The following FANCI variants were observed in gnomAD, a reference collection of about 807,000 sequenced individuals.
FANCI encodes Fanconi anemia group I protein.
A neutral mutation model predicts 176.1 loss-of-function variants in FANCI; 156 were observed. That is an observed-to-expected ratio of 0.89 (90% confidence interval 0.78 to 1.01). The LOEUF (loss-of-function observed/expected upper bound fraction) is 1.01. Ranked by LOEUF, FANCI falls within the 50% of genes least tolerant of loss-of-function variation. The probability of loss-of-function intolerance (pLI) is 0.00; values close to 1 mark genes in which losing one functional copy is unlikely to be tolerated. For missense variants in FANCI, 1,678 were observed against 1,534.1 expected (o/e 1.09, Z -1.57); for synonymous variants, 613 against 541.7 (o/e 1.13, Z -1.83).
chr15:89,296,382 A>G (rs1403451745), intron 24 of FANCI, among the ~76,000 whole-genome samples: 6 of 151,818 alleles, frequency 4.0e-5, no homozygotes, highest in Admixed American at 3.3e-4. Context: ...TGCTGGGATT[A>G]CAGGCCTGAG....
intron 6 of FANCI, among the ~76,000 whole-genome samples, chr15:89,262,934 A>G: frequency 6.6e-6 from 1 of 152,146 alleles, no homozygotes; most frequent in Non-Finnish European, 1.5e-5. Context: ...ATCTTGCTTT[A>G]TTGGCCAGGC....
chr15:89,299,404 CA>C (rs2054444599), intron 24 of FANCI, among the ~76,000 whole-genome samples: 1 of 152,086 alleles, frequency 6.6e-6, no homozygotes, highest in Non-Finnish European at 1.5e-5. Flanking sequence ...TTAATGAGGT[CA>C]GCATTACCCT....
intron 26 of FANCI, among the ~76,000 whole-genome samples, chr15:89,301,001 C>T (rs1483504540): frequency 6.6e-6 from 1 of 152,160 alleles, no homozygotes; most frequent in Non-Finnish European, 1.5e-5. Flanking sequence ...GGTTTGGTGC[C>T]TTGTCTAAGC....
intron 20 of FANCI, 21 bp downstream of exon 20, chr15:89,291,735 T>G (rs2054077688): frequency 6.3e-7 from 1 of 1,584,044 alleles, no homozygotes; most frequent in African/African-American, 1.3e-5. Flanking sequence ...TATTCTTCCT[T>G]CAACCATTAT....
intron 28 of FANCI, 110 bp downstream of exon 28, chr15:89,304,025 C>T: frequency 9.5e-7 from 1 of 1,047,240 alleles, no homozygotes; most frequent in Non-Finnish European, 1.5e-6. Flanking sequence ...ACCAGAGTGG[C>T]CAAAATGAAA....
chr15:89,259,666 C>G (rs1196644802), intron 3 of FANCI, among the ~76,000 whole-genome samples: 2 of 152,148 alleles, frequency 1.3e-5, no homozygotes, highest in Admixed American at 1.3e-4. Flanking sequence ...CTAGTCCATT[C>G]CAGTCCTAAG....
intron 18 of FANCI, among the ~76,000 whole-genome samples, chr15:89,288,208 T>C (rs2053900463): frequency 1.3e-5 from 2 of 152,212 alleles, no homozygotes; most frequent in Admixed American, 1.3e-4. Context: ...GGGTGAGCTT[T>C]GTGTCAGTGT....
chr15:89,301,727 T>C (rs1390375669), intron 27 of FANCI, among the ~76,000 whole-genome samples: 2 of 152,106 alleles, frequency 1.3e-5, no homozygotes, highest in Non-Finnish European at 2.9e-5. Flanking sequence ...TGTGTTGATC[T>C]TTGGTGCCTT....
At chr15:89,283,897 G>A (rs556342531) in intron 17 of FANCI, among the ~76,000 whole-genome samples, 46 of 151,900 alleles carry the variant, frequency 3.0e-4, no homozygotes, top group Admixed American at 3.0e-3. Flanking sequence ...CGAGTAGCTG[G>A]GACTACAGGC....
chr15:89,252,942 T>A (rs1045191074), intron 2 of FANCI, among the ~76,000 whole-genome samples: 1 of 152,178 alleles, frequency 6.6e-6, no homozygotes, highest in African/African-American at 2.4e-5. Flanking sequence ...GCTATATATA[T>A]AAGTTGACTG....
Position 89,292,948 on chromosome 15 carries a change from T to G in FANCI, c.2176T>G (p.Ser726Ala). 1 of 1,614,126 alleles carries G rather than the reference T, an allele frequency of 6.2e-7. No homozygotes were observed. ...TTTATCTTGTGTCTTTTAGGATAAATCAGCAGATTTTTCTCAGAGCACCAG... is the reference window on the plus strand; with the variant it reads ...TTTATCTTGTGTCTTTTAGGATAAAGCAGCAGATTTTTCTCAGAGCACCAG... ...SELEDFELDK[S>A]ADFSQSTSIG... is the part of the protein sequence containing the mutation. The change falls in exon 22 of 38, where the codon TCA (serine) becomes GCA (alanine). Residue 726 changes from serine (S) to alanine (A), a missense_variant. By Grantham distance (99) the Ser-to-Ala change is moderately conservative. Transcript: ENST00000310775.
rs28666752 is a variant in FANCI at position 89,311,164 on chromosome 15, C to T, written c.3652-1740C>T. Among the ~76,000 whole-genome samples, 819 of 152,160 alleles carry T rather than the reference C, an allele frequency of 5.4e-3. 10 individuals are homozygous for T. The highest frequency in any genetic ancestry group is 0.018 in the African/African-American group (750 of 41,492). The stretch of plus-strand genomic sequence containing the variant: ...ATCCCAGCTACTCGGGAGGCTGAGG[C>T]AGGAGAATTGCTTGAACCCGGGAGG... On this transcript the variant is annotated intron_variant, in intron 34 of 37. Coordinates refer to ENST00000310775, the MANE Select transcript of FANCI (RefSeq NM_001113378.2).
At chr15:89,246,856 C>T (rs1285088419) in intron 1 of FANCI, among the ~76,000 whole-genome samples, 5 of 149,942 alleles carry the variant, frequency 3.3e-5, no homozygotes, top group Admixed American at 1.3e-4. Context: ...AGCTCCTCCT[C>T]CCGGGTTCAC....
chr15:89,294,949 G>T lies in FANCI; in HGVS notation c.2491G>T (p.Val831Phe). 1 of 1,552,322 alleles carries T rather than the reference G, an allele frequency of 6.4e-7. No individual in the cohort carries two copies. The highest frequency in any genetic ancestry group is 1.2e-5 in the South Asian group (1 of 84,054). The change falls in exon 24 of 38, where the codon GTT becomes TTT. Residue 831 changes from valine to phenylalanine, a missense_variant. By Grantham distance (50) the Val-to-Phe change is conservative. This residue lies in a region of FANCI where 1,204 missense variants were observed against 1,077.4 expected (regional missense o/e 1.12). Transcript: ENST00000310775. ...SIQSHQESLS[V>F]LRSSNEFMRY... Reference sequence around the variant, plus strand: ...CCAAAGCCACCAAGAAAGCCTTTCTGTTCTCAGGTCCAGCAATGAGTTTAT... The same window carrying T: ...CCAAAGCCACCAAGAAAGCCTTTCTTTTCTCAGGTCCAGCAATGAGTTTAT...
chr15:89,274,801 C>T (rs1222014026), intron 12 of FANCI, among the ~76,000 whole-genome samples: 10 of 151,770 alleles, frequency 6.6e-5, no homozygotes, highest in Non-Finnish European at 1.2e-4. Context: ...GACAGAGTTT[C>T]GCCATATTGC....
chr15:89,312,491 G>C (rs759066235), intron 34 of FANCI, among the ~76,000 whole-genome samples: 9 of 152,150 alleles, frequency 5.9e-5, no homozygotes, highest in Non-Finnish European at 4.4e-5. Flanking sequence ...CTCCAGACTT[G>C]GTCCTCATAC....
At chr15:89,305,773 A>G in intron 31 of FANCI, 75 bp downstream of exon 31, 3 of 1,462,840 alleles carry the variant, frequency 2.1e-6, no homozygotes, top group Non-Finnish European at 2.9e-6. Context: ...GGTGCATAAA[A>G]ATGGAGCCCC....
At chr15:89,314,783 TACA>T (rs2152019391) in intron 36 of FANCI, 76 bp downstream of exon 36, 2 of 950,660 alleles carry the variant, frequency 2.1e-6, no homozygotes, top group African/African-American at 1.7e-5. Context: ...GCAGCACAAC[TACA>T]ATGGAGGAAA....
chr15:89,272,454 G>T (rs535422820), intron 10 of FANCI, among the ~76,000 whole-genome samples: 1 of 151,762 alleles, frequency 6.6e-6, no homozygotes, highest in Non-Finnish European at 1.5e-5. Flanking sequence ...TTTCTTAATG[G>T]TATCTTTTGA....
Sources: gnomAD v4.1 joint callset for allele counts (sites outside exome capture counted in the v4.1 genomes callset) on GRCh38, gnomAD v4.1.1 for gene constraint, gnomAD v4.1.1 regional missense constraint, MANE v1.5 for transcripts, NCBI Gene and HGNC (gene_info 2026-07-23, HGNC 2026-07-21) for gene names.